Variants in SYDE1 observed in about 807,000 individuals in gnomAD.
SYDE1 encodes synapse defective Rho GTPase activating protein 1.
In SYDE1, 34 loss-of-function variants were observed where a neutral mutation model predicts 63.3. The ratio of observed to expected loss-of-function variants is 0.54; its 90% CI spans 0.41 to 0.71. The LOEUF (loss-of-function observed/expected upper bound fraction) is 0.71. SYDE1 is among the 30% of genes least tolerant of loss of function. The pLI, the probability that SYDE1 is intolerant of heterozygous loss-of-function variation, is 0.00. For missense variants in SYDE1, 925 were observed against 1,042.5 expected, an observed-to-expected ratio of 0.89 and a Z score of 1.55; for synonymous variants, 467 against 473.4, an observed-to-expected ratio of 0.99 and a Z score of 0.18.
Position 15,113,913 on chromosome 19 carries a change from A to G in SYDE1, c.2158A>G (p.Ile720Val), listed in dbSNP as rs767927443. Reference sequence around the variant, plus strand: ...GAATCTCAAAGACTTCGACGCCCTCATCCTGGATCTGGAGAGAGAGCTCTC... The same window carrying G: ...GAATCTCAAAGACTTCGACGCCCTCGTCCTGGATCTGGAGAGAGAGCTCTC... ...HLNLKDFDAL[I>V]LDLERELSKQ... The change falls in exon 8 of 8, where the codon ATC becomes GTC. Residue 720 changes from isoleucine to valine, a missense_variant. This residue lies in a region of SYDE1 where 255 missense variants were observed against 255.9 expected (regional missense o/e 1.00). Coordinates refer to ENST00000342784, the MANE Select transcript of SYDE1 (RefSeq NM_033025.6). 1 of 1,614,086 alleles carries G rather than the reference A, an allele frequency of 6.2e-7. No homozygotes were observed. The highest frequency in any genetic ancestry group is 8.5e-7 in the Non-Finnish European group (1 of 1,180,034).
In SYDE1 at chr19:15,110,122, G is replaced by A. The variant is rs772666009; in HGVS notation, c.849G>A (p.Gly283=). The change falls in exon 3 of 8, where the codon GGG becomes GGA. Residue 283 remains glycine (G), a synonymous_variant. Coordinates refer to ENST00000342784, the MANE Select transcript of SYDE1 (RefSeq NM_033025.6). This position sits in a 1 kb window ranked among gnomAD's most constrained non-coding sequence, Gnocchi z 6.9. Reference sequence around the variant, plus strand: ...TCGGGGGGCTGCGGCCAGCGCCGGGGGCCACCCCCAGGGACCTCTGCTGCC... The same window carrying A: ...TCGGGGGGCTGCGGCCAGCGCCGGGAGCCACCCCCAGGGACCTCTGCTGCC... ...YGLGGLRPAP[G]ATPRDLCCLL... is the part of the protein sequence containing the mutation. The A allele has an allele frequency of 9.2e-6, 13 of 1,406,888 alleles. No homozygotes were observed. In the East Asian group the frequency reaches 3.1e-4, roughly 34 times the overall value. 87.2% of individuals were successfully genotyped at this position (1,406,888 alleles called of 1,614,324 possible).
At position 15,112,518 on chromosome 19, in the gene SYDE1, T is replaced by A; in HGVS notation, c.1751T>A (p.Val584Glu). 6.2e-7 allele frequency: 1 copy of A among 1,606,482 alleles called. No individual in the cohort carries two copies. ...TCCGGCCCAGGCCTTGCCAGTGCAG[T>A]GGACTTCAAGCACCACATCGAGGTG... ...RSSGPGLASA[V>E]DFKHHIEVLH... Residue 584 changes from valine (V) to glutamate (E), a missense_variant, in exon 7 of 8, where the codon GTG (valine) becomes GAG (glutamate). Transcript: ENST00000342784.
chr19:15,113,417 A>T, intron 7 of SYDE1, 143 bp from the exon 8 acceptor site: 1 of 977,942 alleles, frequency 1.0e-6, no homozygotes, highest in Non-Finnish European at 1.5e-6. Context: ...TAGTTGCGTA[A>T]GCAACCAGTC....
Position 15,114,638 on chromosome 19 carries a change from C to CG in SYDE1, c.*676dup, listed in dbSNP as rs1555720393. The CG allele has an allele frequency of 1.4e-5, 2 of 143,606 alleles. No homozygotes were observed. The highest frequency in any genetic ancestry group is 2.4e-4 in the South Asian group (1 of 4,248). 8.9% of individuals were successfully genotyped at this position (143,606 alleles called of 1,614,324 possible). A position where few individuals can be genotyped will look rare whatever the true frequency, so the allele number is the denominator to read the frequency against. On this transcript the variant is annotated 3_prime_UTR_variant, in exon 8 of 8. Coordinates refer to ENST00000342784, the MANE Select transcript of SYDE1 (RefSeq NM_033025.6). The stretch of plus-strand genomic sequence containing the variant: ...CTTGCCCCCCCCTTGCCCCCCCCCC[C>CG]GAAAAAAATTGAGCACTTAAACCCC...
Position 15,112,510 on chromosome 19 carries a change from C to A in SYDE1, c.1743C>A (p.Ala581=). Residue 581 remains alanine, a synonymous_variant, in exon 7 of 8, where the codon GCC becomes GCA. Transcript: ENST00000342784. ...CCCGCAGCTCCGGCCCAGGCCTTGC[C>A]AGTGCAGTGGACTTCAAGCACCACA... ...PRARSSGPGL[A]SAVDFKHHIE... 6.2e-7 allele frequency: 1 copy of A among 1,606,844 alleles called. No individual in the cohort carries two copies. The highest frequency in any genetic ancestry group is 8.5e-7 in the Non-Finnish European group (1 of 1,176,922).
Position 15,114,633 on chromosome 19 carries a change from C to A in SYDE1, c.*670C>A, listed in dbSNP as rs984303113. The A allele has an allele frequency of 1.4e-5, 2 of 147,038 alleles. No individual in the cohort carries two copies. Among genetic ancestry groups the A allele is most frequent in the African/African-American group, 5.0e-5 (2 of 40,232 alleles). The allele number at this position is 147,038 out of a possible 1,614,324, so 9.1% of individuals were successfully genotyped here. The stretch of plus-strand genomic sequence containing the variant: ...ATCTCCTTGCCCCCCCCTTGCCCCC[C>A]CCCCCGAAAAAAATTGAGCACTTAA... On this transcript the variant is annotated 3_prime_UTR_variant, in exon 8 of 8. Transcript: ENST00000342784.
Position 15,109,900 on chromosome 19 carries a change from C to A in SYDE1, c.627C>A (p.Ser209Arg). ...SVISRYHLDS[S>R]VGGPGPAAGP... is the part of the protein sequence containing the mutation. ...TCAGCCGCTACCACCTGGACAGCAGCGTGGGGGGCCCCGGGCCGGCAGCAG... is the reference window on the plus strand; with the variant it reads ...TCAGCCGCTACCACCTGGACAGCAGAGTGGGGGGCCCCGGGCCGGCAGCAG... Residue 209 changes from serine to arginine, a missense_variant, in exon 3 of 8, where the codon AGC (serine) becomes AGA (arginine). Around this residue, in one of 3 missense-constraint regions of SYDE1, gnomAD observed 599 missense variants for 653.7 expected, o/e 0.92. Transcript: ENST00000342784. The surrounding 1 kb of genome is among the most constrained non-coding windows in gnomAD (Gnocchi z 5.0). The A allele has an allele frequency of 6.8e-7, 1 of 1,478,654 alleles. No homozygotes were observed. Among genetic ancestry groups the A allele is most frequent in the Non-Finnish European group, 8.9e-7 (1 of 1,120,252 alleles). 91.6% of individuals were successfully genotyped at this position (1,478,654 alleles called of 1,614,324 possible). A position where few individuals can be genotyped will look rare whatever the true frequency, so the allele number is the denominator to read the frequency against.
chr19:15,109,379 G>C lies in SYDE1; in HGVS notation c.412G>C (p.Glu138Gln), dbSNP rs1232752071. 5 of 1,559,540 alleles carry C rather than the reference G, an allele frequency of 3.2e-6. No homozygotes were observed. In the South Asian group the frequency reaches 6.1e-5, roughly 19 times the overall value. ...PGPQPGSAES[E>Q]GLAPQGAAPA... ...GCCACAGCCTGGCTCAGCTGAGTCA[G>C]AGGGCCTGGCCCCCCAAGGTAAGAA... The change falls in exon 2 of 8, where the codon GAG (glutamate) becomes CAG (glutamine). Residue 138 changes from glutamate (E) to glutamine (Q), a missense_variant. By Grantham distance (29) the Glu-to-Gln change is conservative. Transcript: ENST00000342784. The surrounding 1 kb of genome is among the most constrained non-coding windows in gnomAD (Gnocchi z 5.0).
At position 15,107,505 on chromosome 19, in the gene SYDE1, G is replaced by C; in HGVS notation, c.72G>C (p.Ser24=). ...RGREKLPRKK[S]DAKERGHPAQ... ...GGGAGAAACTTCCCCGGAAAAAGTC[G>C]GACGCCAAGGAGCGCGGTAAGCGGA... The change falls in exon 1 of 8, where the codon TCG becomes TCC. Residue 24 remains serine (S), a synonymous_variant. Coordinates refer to ENST00000342784, the MANE Select transcript of SYDE1 (RefSeq NM_033025.6). 6.5e-7 allele frequency: 1 copy of C among 1,544,674 alleles called. No homozygotes were observed. Among genetic ancestry groups the C allele is most frequent in the Admixed American group, 1.9e-5 (1 of 51,534 alleles).
At chr19:15,113,490 C>T in intron 7 of SYDE1, 70 bp from the exon 8 acceptor site, 1 of 1,484,670 alleles carries the variant, frequency 6.7e-7, no homozygotes, top group Non-Finnish European at 8.9e-7. Context: ...AATCAGGAGC[C>T]TAGTTCCCTA....
In SYDE1 at chr19:15,108,488, T is replaced by C. The variant is rs1435554397; in HGVS notation, c.89-568T>C. 6.6e-6 allele frequency among the ~76,000 whole-genome samples: 1 copy of C among 151,432 alleles called. No individual in the cohort carries two copies. Among genetic ancestry groups the C allele is most frequent in the African/African-American group, 2.4e-5 (1 of 41,158 alleles). On this transcript the variant is annotated intron_variant, in intron 1 of 7. Coordinates refer to ENST00000342784, the MANE Select transcript of SYDE1 (RefSeq NM_033025.6). The surrounding 1 kb of genome is among the most constrained non-coding windows in gnomAD (Gnocchi z 4.3). ...GGCCCATCCCAGGATGGCGACAGAG[T>C]TTGGAAGACAGGAGGGAGGGTAAAA...
chr19:15,109,444 C>A lies in SYDE1; in HGVS notation c.430+47C>A. 6.7e-7 allele frequency: 1 copy of A among 1,488,184 alleles called. No homozygotes were observed. Among genetic ancestry groups the A allele is most frequent in the Non-Finnish European group, 8.9e-7 (1 of 1,119,054 alleles). The allele number at this position is 1,488,184 out of a possible 1,614,324, so 92.2% of individuals were successfully genotyped here. A position where few individuals can be genotyped will look rare whatever the true frequency, so the allele number is the denominator to read the frequency against. On this transcript the variant is annotated intron_variant, in intron 2 of 7. Transcript: ENST00000342784. The surrounding 1 kb of genome is among the most constrained non-coding windows in gnomAD (Gnocchi z 5.0). ...CCTTCCCCAAGGTGAGCACCAGCTC[C>A]ACATCCCTTCCCTTCAGGGTAGCAC...
At position 15,113,930 on chromosome 19, in the gene SYDE1, A is replaced by C. The variant is rs752245345; in HGVS notation, c.2175A>C (p.Arg725Ser). The change falls in exon 8 of 8, where the codon AGA becomes AGC. Residue 725 changes from arginine to serine, a missense_variant. Physicochemically the swap from Arg to Ser is moderately radical, Grantham distance 110. Transcript: ENST00000342784. Reference sequence around the variant, plus strand: ...ACGCCCTCATCCTGGATCTGGAGAGAGAGCTCTCCAAGCAAATCAACGTGT... The same window carrying C: ...ACGCCCTCATCCTGGATCTGGAGAGCGAGCTCTCCAAGCAAATCAACGTGT... ...DFDALILDLE[R>S]ELSKQINVCL 9 of 1,613,738 alleles carry C rather than the reference A, an allele frequency of 5.6e-6. No homozygotes were observed. The highest frequency in any genetic ancestry group is 1.7e-4 in the Middle Eastern group (1 of 6,060).
Position 15,110,020 on chromosome 19 carries a change from G to A in SYDE1, c.747G>A (p.Arg249=). The change falls in exon 3 of 8, where the codon CGG becomes CGA. Residue 249 remains arginine, a synonymous_variant. Coordinates refer to ENST00000342784, the MANE Select transcript of SYDE1 (RefSeq NM_033025.6). The surrounding 1 kb of genome is among the most constrained non-coding windows in gnomAD (Gnocchi z 6.9). ...GGCCCCCATCACCCACCTCCTTCCG[G>A]CCCTACGAGGTGGGTCCCGCAGCCC... is the stretch of plus-strand genomic sequence containing the variant. ...PAGPPSPTSF[R]PYEVGPAARA... The A allele has an allele frequency of 2.0e-6, 3 of 1,503,976 alleles. No homozygotes were observed. Among genetic ancestry groups the A allele is most frequent in the Non-Finnish European group, 2.6e-6 (3 of 1,134,306 alleles). The allele number at this position is 1,503,976 out of a possible 1,614,324, so 93.2% of individuals were successfully genotyped here.
rs906493368 is a variant in SYDE1 at position 15,114,902 on chromosome 19, T to G, written c.*939T>G. On this transcript the variant is annotated 3_prime_UTR_variant, in exon 8 of 8. Coordinates refer to ENST00000342784, the MANE Select transcript of SYDE1 (RefSeq NM_033025.6). ...GGGCCCCAGAGTTCCAGTGGGAGAGTACGGTTCCCTCCTGTCTCCCTCTTC... is the reference window on the plus strand; with the variant it reads ...GGGCCCCAGAGTTCCAGTGGGAGAGGACGGTTCCCTCCTGTCTCCCTCTTC... 2.8e-6 allele frequency: 1 copy of G among 357,150 alleles called. No individual in the cohort carries two copies. The highest frequency in any genetic ancestry group is 2.5e-5 in the South Asian group (1 of 40,374). 22.1% of individuals were successfully genotyped at this position (357,150 alleles called of 1,614,324 possible). A position where few individuals can be genotyped will look rare whatever the true frequency, so the allele number is the denominator to read the frequency against.
At position 15,111,747 on chromosome 19, in the gene SYDE1, T is replaced by G. The variant is rs1421855247; in HGVS notation, c.1533T>G (p.Thr511=). The G allele has an allele frequency of 8.7e-6, 14 of 1,606,030 alleles. No individual in the cohort carries two copies. Among genetic ancestry groups the G allele is most frequent in the East Asian group, 2.2e-5 (1 of 44,690 alleles). The change falls in exon 6 of 8, where the codon ACT becomes ACG. Residue 511 remains threonine, a synonymous_variant. Coordinates refer to ENST00000342784, the MANE Select transcript of SYDE1 (RefSeq NM_033025.6). The surrounding 1 kb of genome is among the most constrained non-coding windows in gnomAD (Gnocchi z 5.5). ...CCCCAAACAGAGTTCCCCCCACCAC[T>G]GAGGGCACCCGAGGGCTCCTCAGCT... ...RDPPNRVPPT[T]EGTRGLLSCL...
Position 15,112,396 on chromosome 19 carries a change from T to C in SYDE1, c.1629T>C (p.His543=), listed in dbSNP as rs748095444. ...LDHLRLVSSF[H]AYNRMTPQNL... is the part of the protein sequence containing the mutation. Reference sequence around the variant, plus strand: ...ACCTGCGCCTCGTCTCCTCCTTCCATGCCTACAACCGCATGACCCCACAGA... The same window carrying C: ...ACCTGCGCCTCGTCTCCTCCTTCCACGCCTACAACCGCATGACCCCACAGA... The change falls in exon 7 of 8, where the codon CAT becomes CAC. Residue 543 remains histidine (H), a synonymous_variant. Coordinates refer to ENST00000342784, the MANE Select transcript of SYDE1 (RefSeq NM_033025.6). The C allele has an allele frequency of 6.3e-6, 10 of 1,596,740 alleles. No individual in the cohort carries two copies. Among genetic ancestry groups the C allele is most frequent in the Non-Finnish European group, 7.7e-6 (9 of 1,171,894 alleles).
In SYDE1 at chr19:15,112,562, T is replaced by A; in HGVS notation, c.1795T>A (p.Ser599Thr). The A allele has an allele frequency of 6.3e-7, 1 of 1,578,446 alleles. No homozygotes were observed. The highest frequency in any genetic ancestry group is 8.6e-7 in the Non-Finnish European group (1 of 1,161,034). ...CGAGGTGCTGCACTACCTGCTGCAG[T>A]CTTGGCCAGGTGAGTTCATGCCCAG... Reference protein sequence around the residue: ...HIEVLHYLLQSWPDPRLPRQS... With the variant: ...HIEVLHYLLQTWPDPRLPRQS... Residue 599 changes from serine to threonine, a missense_variant, in exon 7 of 8, where the codon TCT (serine) becomes ACT (threonine). By Grantham distance (58) the Ser-to-Thr change is moderately conservative. Transcript: ENST00000342784.
rs770897523 is a variant in SYDE1 at position 15,112,509 on chromosome 19, C to A, written c.1742C>A (p.Ala581Asp). Residue 581 changes from alanine (A) to aspartate (D), a missense_variant, in exon 7 of 8, where the codon GCC becomes GAC. By Grantham distance (126) the Ala-to-Asp change is moderately radical. Around this residue, in one of 3 missense-constraint regions of SYDE1, gnomAD observed 255 missense variants for 255.9 expected, o/e 1.00. Coordinates refer to ENST00000342784, the MANE Select transcript of SYDE1 (RefSeq NM_033025.6). ...PRARSSGPGL[A>D]SAVDFKHHIE... is the part of the protein sequence containing the mutation. ...GCCCGCAGCTCCGGCCCAGGCCTTG[C>A]CAGTGCAGTGGACTTCAAGCACCAC... 6.2e-7 allele frequency: 1 copy of A among 1,606,394 alleles called. No homozygotes were observed. Among genetic ancestry groups the A allele is most frequent in the Middle Eastern group, 1.7e-4 (1 of 6,050 alleles).
Sources: allele counts gnomAD v4.1 joint callset (sites outside exome capture counted in the v4.1 genomes callset), GRCh38; gene constraint gnomAD v4.1.1; regional missense constraint gnomAD v4.1.1; non-coding constraint Gnocchi (gnomAD v3.1); transcripts MANE v1.5; gene names NCBI Gene and HGNC (gene_info 2026-07-23, HGNC 2026-07-21).